MACROD2: variants seen among roughly 807,000 people sequenced by gnomAD.
The protein encoded by MACROD2 is mono-ADP ribosylhydrolase 2, also known as ADP-ribose glycohydrolase MACROD2.
In MACROD2, 36 loss-of-function variants were observed where a neutral mutation model predicts 70.4. The ratio of observed to expected loss-of-function variants is 0.51; its 90% CI spans 0.39 to 0.68. The LOEUF (loss-of-function observed/expected upper bound fraction) is 0.68, where lower values mean the gene tolerates loss of function less well. Ranked by LOEUF, MACROD2 falls within the 30% of genes least tolerant of loss-of-function variation. The pLI, the probability that MACROD2 is intolerant of heterozygous loss-of-function variation, is 0.00. For missense variants in MACROD2, 496 were observed against 538.4 expected (o/e 0.92, Z 0.78); for synonymous variants, 172 against 178.8 (o/e 0.96, Z 0.30).
At chr20:14,343,920 A>G (rs533525951) in intron 3 of MACROD2, among the ~76,000 whole-genome samples, 3 of 152,244 alleles carry the variant, frequency 2.0e-5, no homozygotes, top group South Asian at 4.2e-4. Context: ...TCATTTTGAA[A>G]CCATCTTATT....
At chr20:15,817,566 A>G (rs568314762) in intron 8 of MACROD2, among the ~76,000 whole-genome samples, 2 of 152,248 alleles carry the variant, frequency 1.3e-5, no homozygotes, top group East Asian at 3.9e-4. Context: ...CTGACATACC[A>G]TTGTTCACCA....
At chr20:15,298,926 G>C (rs1379673139) in intron 6 of MACROD2, among the ~76,000 whole-genome samples, 1 of 152,036 alleles carries the variant, frequency 6.6e-6, no homozygotes, top group East Asian at 1.9e-4. Flanking sequence ...ATTTCCCCCA[G>C]GTCACAAAGC....
At chr20:15,283,764 T>G (rs1231409852) in intron 6 of MACROD2, among the ~76,000 whole-genome samples, 2 of 152,148 alleles carry the variant, frequency 1.3e-5, no homozygotes, top group Non-Finnish European at 2.9e-5. Context: ...ACTTCATTGC[T>G]TTACTTGTTT....
chr20:14,230,631 TTATATATATA>T (rs71190119), intron 3 of MACROD2, among the ~76,000 whole-genome samples: 74,743 of 94,220 alleles, frequency 0.79, 29,312 homozygotes, highest in Admixed American at 0.83. Flanking sequence ...TCATTCATGT[TTATATATATA>T]TATATATATA....
In MACROD2 at chr20:14,638,674, G is replaced by T. The variant is rs184203721; in HGVS notation, c.302-46169G>T. ...TGTAAGAATTAACTGAGTGAGGCTG[G>T]GTGTGGTGGCTCACACCTGTAATCC... On this transcript the variant is annotated intron_variant, in intron 4 of 17. Transcript: ENST00000684519. Among the ~76,000 whole-genome samples, 4 of 152,220 alleles carry T rather than the reference G, an allele frequency of 2.6e-5. No homozygotes were observed. The East Asian group carries it at 7.7e-4, about 29-fold the overall frequency.
At chr20:14,966,503 G>A (rs1456960260) in intron 5 of MACROD2, among the ~76,000 whole-genome samples, 1 of 152,162 alleles carries the variant, frequency 6.6e-6, no homozygotes, top group Non-Finnish European at 1.5e-5. Flanking sequence ...TTGAGGCCAG[G>A]TTGTCAAGGG....
At chr20:15,295,375 A>G (rs1352047633) in intron 6 of MACROD2, among the ~76,000 whole-genome samples, 2 of 152,182 alleles carry the variant, frequency 1.3e-5, no homozygotes, top group African/African-American at 4.8e-5. Flanking sequence ...AAAAAGGAAA[A>G]ACACAATTCT....
intron 8 of MACROD2, among the ~76,000 whole-genome samples, chr20:15,676,258 T>G (rs1385911499): frequency 1.3e-5 from 2 of 152,224 alleles, no homozygotes; most frequent in Non-Finnish European, 2.9e-5. Flanking sequence ...CTAACTAAAG[T>G]ACCTGGCTTT....
At chr20:15,040,782 T>C (rs2075350114) in intron 5 of MACROD2, among the ~76,000 whole-genome samples, 1 of 152,216 alleles carries the variant, frequency 6.6e-6, no homozygotes, top group African/African-American at 2.4e-5. Flanking sequence ...GGGGCTGAAT[T>C]GTTCATTGTG....
At chr20:15,777,328 A>G (rs976382166) in intron 8 of MACROD2, among the ~76,000 whole-genome samples, 8 of 152,104 alleles carry the variant, frequency 5.3e-5, no homozygotes, top group African/African-American at 1.7e-4. Flanking sequence ...GAGGTTCCAT[A>G]TAAGATTATA....
intron 15 of MACROD2, among the ~76,000 whole-genome samples, chr20:16,018,778 A>G (rs1349140392): frequency 6.6e-6 from 1 of 152,024 alleles, no homozygotes; most frequent in Non-Finnish European, 1.5e-5. Flanking sequence ...TCAAACATAC[A>G]CAAGTCTTTC....
chr20:14,289,084 CAGAG>C (rs1424822083), intron 3 of MACROD2, among the ~76,000 whole-genome samples: 1 of 152,148 alleles, frequency 6.6e-6, no homozygotes, highest in African/African-American at 2.4e-5. Flanking sequence ...AGGGAGGACT[CAGAG>C]AATTGCTCTG....
chr20:14,284,602 C>T (rs1355003500), intron 3 of MACROD2, among the ~76,000 whole-genome samples: 1 of 152,222 alleles, frequency 6.6e-6, no homozygotes, highest in Non-Finnish European at 1.5e-5. Context: ...CAGATTAGAT[C>T]TGAGCTAGGG....
chr20:15,817,455 C>G (rs183671997), intron 8 of MACROD2, among the ~76,000 whole-genome samples: 271 of 152,280 alleles, frequency 1.8e-3, no homozygotes, highest in African/African-American at 6.3e-3. Flanking sequence ...TGGCAGTTTG[C>G]TAAACACGAT....
At chr20:15,714,794 CCTA>C (rs1555869107) in intron 8 of MACROD2, among the ~76,000 whole-genome samples, 1 of 151,634 alleles carries the variant, frequency 6.6e-6, no homozygotes, top group Non-Finnish European at 1.5e-5. Context: ...CTTTTTTATT[CCTA>C]CTAATAAATA....
chr20:14,007,144 G>A (rs1330701957), intron 2 of MACROD2, among the ~76,000 whole-genome samples: 1 of 152,108 alleles, frequency 6.6e-6, no homozygotes, highest in Admixed American at 6.5e-5. Context: ...CAAAATAGTG[G>A]TATGTGAATT....
chr20:15,151,259 C>A (rs1195338485), intron 5 of MACROD2, among the ~76,000 whole-genome samples: 2 of 152,044 alleles, frequency 1.3e-5, no homozygotes, highest in Non-Finnish European at 2.9e-5. Flanking sequence ...TGCAGGCATT[C>A]CTTGGCCCGA....
chr20:16,034,894 A>G (rs565302064), intron 15 of MACROD2, among the ~76,000 whole-genome samples: 2 of 151,306 alleles, frequency 1.3e-5, no homozygotes, highest in African/African-American at 4.9e-5. Flanking sequence ...CCCACATATC[A>G]GTGAGAACAT....
At chr20:15,183,991 G>A (rs2076518063) in intron 5 of MACROD2, among the ~76,000 whole-genome samples, 9 of 152,156 alleles carry the variant, frequency 5.9e-5, no homozygotes, top group Admixed American at 5.9e-4. Context: ...AGGGAGTGGG[G>A]GATGCTGCAT....
Sources: allele counts gnomAD v4.1 joint callset (sites outside exome capture counted in the v4.1 genomes callset), GRCh38; gene constraint gnomAD v4.1.1; transcripts MANE v1.5; gene names NCBI Gene and HGNC (gene_info 2026-07-23, HGNC 2026-07-21).